Variants in NUFIP2 observed in about 807,000 individuals in gnomAD.
NUFIP2 encodes nuclear FMR1 interacting protein 2.
NUFIP2 carries 6 observed loss-of-function variants against 56.9 expected under a neutral mutation model. The ratio of observed to expected loss-of-function variants is 0.11; its 90% confidence interval spans 0.06 to 0.21. The LOEUF (loss-of-function observed/expected upper bound fraction) is 0.21, where lower values mean the gene tolerates loss of function less well. Among genes scored for constraint, NUFIP2 ranks in the 10% least tolerant of loss-of-function variants. The probability of loss-of-function intolerance (pLI) is 1.00; values close to 1 mark genes in which losing one functional copy is unlikely to be tolerated. For missense variants in NUFIP2, 828 were observed against 826.8 expected (o/e 1.00, Z -0.02); for synonymous variants, 321 against 298.2 (o/e 1.08, Z -0.79).
intron 2 of NUFIP2, among the ~76,000 whole-genome samples, chr17:29,269,429 G>A (rs1456638098): frequency 6.6e-6 from 1 of 152,060 alleles, no homozygotes; most frequent in African/African-American, 2.4e-5. Context: ...GTATAAATAG[G>A]GGCAGGGAAT....
chr17:29,272,526 C>T (rs956876182), intron 2 of NUFIP2, among the ~76,000 whole-genome samples: 2 of 152,090 alleles, frequency 1.3e-5, no homozygotes, highest in African/African-American at 2.4e-5. Flanking sequence ...AGGCGTGAGC[C>T]GCTGCACCTG....
chr17:29,280,882 G>A (rs1291184698), intron 2 of NUFIP2, among the ~76,000 whole-genome samples: 1 of 95,764 alleles, frequency 1.0e-5, no homozygotes, highest in African/African-American at 2.7e-5. Context: ...CAGTTACTCG[G>A]GAGGCTGAGG....
chr17:29,282,534 C>CA (rs1209352584), intron 2 of NUFIP2, among the ~76,000 whole-genome samples: 1 of 145,852 alleles, frequency 6.9e-6, no homozygotes, highest in Non-Finnish European at 1.5e-5. Flanking sequence ...GGCAACAGAG[C>CA]AAGACCCCAT....
chr17:29,282,703 G>C (rs978522318), intron 2 of NUFIP2, among the ~76,000 whole-genome samples: 19 of 152,136 alleles, frequency 1.2e-4, no homozygotes, highest in Admixed American at 5.2e-4. Flanking sequence ...GAAGTCAGGA[G>C]AAATGCAGAG....
chr17:29,285,396 T>C (rs1223448917), intron 2 of NUFIP2, among the ~76,000 whole-genome samples: 2 of 150,188 alleles, frequency 1.3e-5, no homozygotes, highest in Admixed American at 1.3e-4. Flanking sequence ...GTCAAGACCA[T>C]CCTGGCCAAC....
rs747589346 is a variant in NUFIP2 at position 29,287,119 on chromosome 17, C to T, written c.875G>A (p.Gly292Glu). The T allele has an allele frequency of 6.2e-7, 1 of 1,614,194 alleles. No individual in the cohort carries two copies. The highest frequency in any genetic ancestry group is 8.5e-7 in the Non-Finnish European group (1 of 1,180,038). ...AAGCATATCACCCACAGCAGGTTTT[C>T]CTCGACTTGTTCCTCCAGGCCCAGT... The part of the protein sequence containing the change: ...YETGPGGTSR[G>E]KPAVGDMLRK... The change falls in exon 2 of 4, where the codon GGA (glycine) becomes GAA (glutamate). Residue 292 changes from glycine to glutamate, a missense_variant. This residue lies in a region of NUFIP2 where 415 missense variants were observed against 408.7 expected (regional missense o/e 1.02). Coordinates refer to ENST00000225388, the MANE Select transcript of NUFIP2 (RefSeq NM_020772.3).
intron 2 of NUFIP2, among the ~76,000 whole-genome samples, chr17:29,277,536 T>C (rs1195867885): frequency 1.3e-5 from 2 of 152,260 alleles, no homozygotes; most frequent in Middle Eastern, 3.4e-3. Flanking sequence ...AAATTCTGCT[T>C]TCCCCCTCCT....
chr17:29,272,083 G>A lies in NUFIP2; in HGVS notation c.2003-4553C>T, dbSNP rs796303952. On this transcript the variant is annotated intron_variant, in intron 2 of 3. Coordinates refer to ENST00000225388, the MANE Select transcript of NUFIP2 (RefSeq NM_020772.3). ...GTGAGACTGTCGAAAAGAGAGGGGA[G>A]GGGAGGGGAGGGGAGGGGAGGGGAG... 7.4e-5 allele frequency among the ~76,000 whole-genome samples: 9 copies of A among 121,818 alleles called. 1 individual carries two copies. The highest frequency in any genetic ancestry group is 2.5e-4 in the African/African-American group (8 of 31,514). 79.9% of individuals were successfully genotyped at this position (121,818 alleles called of 152,430 possible).
At position 29,286,140 on chromosome 17, in the gene NUFIP2, G is replaced by C. The variant is rs1257144266; in HGVS notation, c.1854C>G (p.Asp618Glu). 1 of 1,614,090 alleles carries C rather than the reference G, an allele frequency of 6.2e-7. No individual in the cohort carries two copies. The change falls in exon 2 of 4, where the codon GAC becomes GAG. Residue 618 changes from aspartate (D) to glutamate (E), a missense_variant. Transcript: ENST00000225388. Reference sequence around the variant, plus strand: ...GAGGATTTTGACTTTCTATCTCGTAGTCCTTTGAGAGAAACACTAAAGCAC... The same window carrying C: ...GAGGATTTTGACTTTCTATCTCGTACTCCTTTGAGAGAAACACTAAAGCAC... Reference protein sequence around the residue: ...SQGALVFLSKDYEIESQNPLA... With the variant: ...SQGALVFLSKEYEIESQNPLA...
intron 2 of NUFIP2, among the ~76,000 whole-genome samples, chr17:29,284,130 C>G (rs1282002472): frequency 6.6e-6 from 1 of 152,052 alleles, no homozygotes; most frequent in African/African-American, 2.4e-5. Flanking sequence ...TGGTATGGTC[C>G]CCTTTCCCTG....
intron 1 of NUFIP2, among the ~76,000 whole-genome samples, chr17:29,291,608 G>A (rs565773220): frequency 1.3e-5 from 2 of 152,304 alleles, no homozygotes; most frequent in South Asian, 2.1e-4. Flanking sequence ...GAATGGTTCA[G>A]CGGTTGCTTC....
chr17:29,293,736 G>C, intron 1 of NUFIP2, 47 bp downstream of exon 1: 3 of 1,227,384 alleles, frequency 2.4e-6, no homozygotes, highest in Non-Finnish European at 2.3e-6. Context: ...CATCTCTCCT[G>C]TCCTCCACCC....
At chr17:29,293,670 G>T in intron 1 of NUFIP2, 113 bp downstream of exon 1, 3 of 1,063,058 alleles carry the variant, frequency 2.8e-6, no homozygotes, top group South Asian at 1.9e-5. Context: ...AGCCGGAGGG[G>T]ACACACACAC....
At chr17:29,285,903 G>C in intron 2 of NUFIP2, 89 bp downstream of exon 2, 1 of 1,030,170 alleles carries the variant, frequency 9.7e-7, no homozygotes, top group East Asian at 2.6e-5. Flanking sequence ...CTCTTAATAT[G>C]AACAACTAAT....
At chr17:29,281,858 G>A (rs558773281) in intron 2 of NUFIP2, among the ~76,000 whole-genome samples, 28 of 148,656 alleles carry the variant, frequency 1.9e-4, no homozygotes, top group African/African-American at 4.4e-4. Context: ...TCCACCTCCC[G>A]GGTTCACGCC....
Position 29,287,567 on chromosome 17 carries a change from T to G in NUFIP2, c.427A>C (p.Thr143Pro), listed in dbSNP as rs1567681948. The G allele has an allele frequency of 1.2e-6, 2 of 1,614,010 alleles. No homozygotes were observed. The highest frequency in any genetic ancestry group is 2.7e-5 in the African/African-American group (2 of 74,910). The change falls in exon 2 of 4, where the codon ACC becomes CCC. Residue 143 changes from threonine to proline, a missense_variant. Thr to Pro is a conservative substitution (Grantham distance 38). Around this residue, in one of 3 missense-constraint regions of NUFIP2, gnomAD observed 415 missense variants for 408.7 expected, o/e 1.02. Transcript: ENST00000225388. The part of the protein sequence containing the change: ...TSLKQTVKAN[T>P]FGKAGIKTKN... Reference sequence around the variant, plus strand: ...GTTTTAATTCCTGCTTTCCCAAAGGTGTTGGCCTTTACAGTCTGCTTCAGG... The same window carrying G: ...GTTTTAATTCCTGCTTTCCCAAAGGGGTTGGCCTTTACAGTCTGCTTCAGG...
chr17:29,272,499 C>T (rs1040471848), intron 2 of NUFIP2, among the ~76,000 whole-genome samples: 12 of 152,160 alleles, frequency 7.9e-5, no homozygotes, highest in Non-Finnish European at 1.5e-4. Flanking sequence ...CCTGGCCTCC[C>T]GAAGTGCTGG....
intron 3 of NUFIP2, among the ~76,000 whole-genome samples, chr17:29,266,466 T>C (rs11650497): frequency 0.032 from 4,843 of 152,068 alleles, 366 homozygotes; most frequent in East Asian, 0.3. Context: ...TTTCAAGTCC[T>C]GAAATTCTAG....
chr17:29,277,135 C>T (rs2069112784), intron 2 of NUFIP2, among the ~76,000 whole-genome samples: 1 of 152,172 alleles, frequency 6.6e-6, no homozygotes, highest in African/African-American at 2.4e-5. Context: ...ACAGATTCTC[C>T]TGCCTAAGCC....
Sources: gnomAD v4.1 joint callset for allele counts (sites outside exome capture counted in the v4.1 genomes callset) on GRCh38, gnomAD v4.1.1 for gene constraint, gnomAD v4.1.1 regional missense constraint, MANE v1.5 for transcripts, NCBI Gene and HGNC (gene_info 2026-07-23, HGNC 2026-07-21) for gene names.